Variants in ZNF385D observed in about 807,000 individuals in gnomAD.
The protein encoded by ZNF385D is zinc finger protein 659.
ZNF385D carries 15 observed loss-of-function variants against 35.8 expected under a neutral mutation model. The ratio of observed to expected loss-of-function variants is 0.42; its 90% CI spans 0.28 to 0.64. The LOEUF (loss-of-function observed/expected upper bound fraction) is 0.64, where lower values mean the gene tolerates loss of function less well. Among genes scored for constraint, ZNF385D ranks in the 30% least tolerant of loss-of-function variants. The pLI is 0.23. For synonymous variants in ZNF385D, 212 were observed against 186.8 expected (o/e 1.13, Z -1.10); for missense variants, 474 against 494.6 (o/e 0.96, Z 0.39).
At chr3:22,121,216 G>A (rs961734720) in intron 3 of ZNF385D, among the ~76,000 whole-genome samples, 2 of 152,156 alleles carry the variant, frequency 1.3e-5, no homozygotes, top group African/African-American at 4.8e-5. Flanking sequence ...CTGTCTTAGC[G>A]ATCTGTAAAT....
chr3:22,152,009 C>G (rs1029243945), intron 3 of ZNF385D, among the ~76,000 whole-genome samples: 3 of 152,216 alleles, frequency 2.0e-5, no homozygotes, highest in Non-Finnish European at 4.4e-5. Flanking sequence ...TCCTTCCACC[C>G]TCCACCTTCA....
chr3:21,551,742 G>T (rs2062574499), intron 3 of ZNF385D, among the ~76,000 whole-genome samples: 1 of 152,068 alleles, frequency 6.6e-6, no homozygotes, highest in Non-Finnish European at 1.5e-5. Context: ...TGAATGTCAG[G>T]AGATTTGTCA....
intron 2 of ZNF385D, among the ~76,000 whole-genome samples, chr3:22,284,855 A>C (rs529205212): frequency 6.6e-6 from 1 of 152,304 alleles, no homozygotes; most frequent in African/African-American, 2.4e-5. Context: ...TTTCTGAGGA[A>C]GTCTATTTTG....
intron 4 of ZNF385D, among the ~76,000 whole-genome samples, chr3:21,461,893 A>G (rs556987423): frequency 2.6e-5 from 4 of 152,316 alleles, no homozygotes; most frequent in Admixed American, 1.3e-4. Flanking sequence ...GGCCTTATTA[A>G]TATTATTTTT....
rs568352113 is a variant in ZNF385D at position 22,075,694 on chromosome 3, G to C, written c.325+93123C>G. Among the ~76,000 whole-genome samples, 23 of 151,934 alleles carry C rather than the reference G, an allele frequency of 1.5e-4. 1 individual carries two copies. In the South Asian group the frequency reaches 4.8e-3, roughly 31 times the overall value. ...TGTACTTTCTTTCCAAAGAAGTTTTGATACATTCTCTTGGCTTTAAATATT... is the reference window on the plus strand; with the variant it reads ...TGTACTTTCTTTCCAAAGAAGTTTTCATACATTCTCTTGGCTTTAAATATT... On this transcript the variant is annotated intron_variant, in intron 3 of 5. Transcript: ENST00000494108.
At chr3:21,466,909 G>A (rs1406480226) in intron 4 of ZNF385D, among the ~76,000 whole-genome samples, 1 of 152,038 alleles carries the variant, frequency 6.6e-6, no homozygotes, top group Non-Finnish European at 1.5e-5. Flanking sequence ...AAAACAATGA[G>A]ATAACCAGCC....
At chr3:21,945,159 C>CAT (rs1701716936) in intron 3 of ZNF385D, among the ~76,000 whole-genome samples, 1 of 88,402 alleles carries the variant, frequency 1.1e-5, no homozygotes, top group Non-Finnish European at 2.2e-5. Flanking sequence ...TATATATACA[C>CAT]ACACATATAT....
intron 2 of ZNF385D, among the ~76,000 whole-genome samples, chr3:22,288,396 C>T (rs915456109): frequency 1.3e-5 from 2 of 151,730 alleles, no homozygotes; most frequent in African/African-American, 4.8e-5. Context: ...TTCACTTGAC[C>T]GTTTCCCATA....
chr3:21,808,994 C>T (rs563370522), intron 3 of ZNF385D, among the ~76,000 whole-genome samples: 1 of 151,886 alleles, frequency 6.6e-6, no homozygotes, highest in Admixed American at 6.6e-5. Context: ...ATGGGTTGCC[C>T]GCATGCTATA....
intron 3 of ZNF385D, among the ~76,000 whole-genome samples, chr3:21,758,725 C>G (rs1271400329): frequency 6.6e-6 from 1 of 152,018 alleles, no homozygotes; most frequent in Non-Finnish European, 1.5e-5. Context: ...CTCAGATTCT[C>G]TCTCTCATGC....
chr3:21,697,841 G>GA (rs756976791), intron 1 of ZNF385D, among the ~76,000 whole-genome samples: 69 of 152,006 alleles, frequency 4.5e-4, no homozygotes, highest in Non-Finnish European at 6.5e-4. Flanking sequence ...GAAAACATAT[G>GA]AAAAAATGCT....
At chr3:21,636,720 T>C (rs2065461834) in intron 2 of ZNF385D, among the ~76,000 whole-genome samples, 1 of 151,796 alleles carries the variant, frequency 6.6e-6, no homozygotes, top group Non-Finnish European at 1.5e-5. Context: ...TTAATCTCCT[T>C]TGGCAACACC....
rs369196574 is a variant in ZNF385D, at chr3:22,357,608, G to GA, written c.106+14841dup. 3.3e-5 allele frequency among the ~76,000 whole-genome samples: 5 copies of GA among 150,900 alleles called. 1 individual carries two copies. The highest frequency in any genetic ancestry group is 4.2e-4 in the South Asian group (2 of 4,778). ...AATCCTAAAATTCTAGTAACTTAAA[G>GA]AAAAAAAAACTTATTTCTTGTTCCT... On this transcript the variant is annotated intron_variant, in intron 2 of 5. Coordinates refer to the ZNF385D transcript ENST00000494108.
intron 3 of ZNF385D, among the ~76,000 whole-genome samples, chr3:22,112,246 T>C (rs1408667478): frequency 6.6e-6 from 1 of 152,184 alleles, no homozygotes; most frequent in East Asian, 1.9e-4. Flanking sequence ...CTCTCCTTTT[T>C]GCATGGATTA....
chr3:21,832,995 C>A (rs892811856), intron 3 of ZNF385D, among the ~76,000 whole-genome samples: 1 of 152,120 alleles, frequency 6.6e-6, no homozygotes, highest in Admixed American at 6.5e-5. Flanking sequence ...ATGCTCTTCA[C>A]CCACAGCTTC....
At chr3:21,546,660 G>A (rs913284690) in intron 3 of ZNF385D, among the ~76,000 whole-genome samples, 1 of 151,810 alleles carries the variant, frequency 6.6e-6, no homozygotes, top group Non-Finnish European at 1.5e-5. Flanking sequence ...AGGTTAAAAG[G>A]CACAGCTTAG....
At chr3:22,025,246 C>A (rs1697465370) in intron 3 of ZNF385D, among the ~76,000 whole-genome samples, 1 of 152,192 alleles carries the variant, frequency 6.6e-6, no homozygotes, top group Non-Finnish European at 1.5e-5. Flanking sequence ...AAACTATGCA[C>A]TGCCTGAGGC....
intron 3 of ZNF385D, among the ~76,000 whole-genome samples, chr3:22,011,651 GT>G (rs1696581788): frequency 6.6e-6 from 1 of 151,918 alleles, no homozygotes; most frequent in Non-Finnish European, 1.5e-5. Flanking sequence ...AATAAGTATG[GT>G]TATAAATATC....
intron 2 of ZNF385D, among the ~76,000 whole-genome samples, chr3:22,225,409 G>A (rs906611837): frequency 1.3e-5 from 2 of 152,122 alleles, no homozygotes; most frequent in Non-Finnish European, 2.9e-5. Flanking sequence ...CTGAACCCAT[G>A]TGGCAGGTCA....
Sources: allele counts gnomAD v4.1 joint callset (sites outside exome capture counted in the v4.1 genomes callset), GRCh38; gene constraint gnomAD v4.1.1; transcripts MANE v1.5; gene names NCBI Gene and HGNC (gene_info 2026-07-23, HGNC 2026-07-21).